TMEM255B: variants seen among roughly 807,000 people sequenced by gnomAD.
TMEM255B encodes the protein transmembrane protein 255B, also known as family with sequence similarity 70, member B.
In TMEM255B, 35 loss-of-function variants were observed where a neutral mutation model predicts 34.5. The ratio of observed to expected loss-of-function variants is 1.01; its 90% CI spans 0.77 to 1.34. TMEM255B has a LOEUF of 1.34. Ranked by LOEUF, TMEM255B falls within the 40% of genes most tolerant of loss-of-function variation. The pLI is 0.00. For missense variants in TMEM255B, 432 were observed against 433.2 expected, an observed-to-expected ratio of 1.00 and a Z score of 0.02; for synonymous variants, 206 against 201.2, an observed-to-expected ratio of 1.02 and a Z score of -0.20.
intron 3 of TMEM255B, among the ~76,000 whole-genome samples, chr13:113,778,040 G>A (rs1334066254): frequency 1.3e-5 from 2 of 152,218 alleles, no homozygotes; most frequent in African/African-American, 4.8e-5. Context: ...GGCCTGAGGG[G>A]GTGGACAGCA....
chr13:113,781,594 C>T (rs1405584455), intron 3 of TMEM255B, among the ~76,000 whole-genome samples: 2 of 152,172 alleles, frequency 1.3e-5, no homozygotes, highest in Admixed American at 6.5e-5. Flanking sequence ...GGTGTGAAGC[C>T]TGGGACTTAG....
intron 4 of TMEM255B, among the ~76,000 whole-genome samples, chr13:113,796,442 CCACA>C (rs772560183): frequency 2.8e-4 from 37 of 132,770 alleles, no homozygotes; most frequent in Non-Finnish European, 1.4e-4. Context: ...AGAGCACACA[CCACA>C]CAGAGTACAC....
chr13:113,763,582 G>GA (rs919011730), intron 1 of TMEM255B, among the ~76,000 whole-genome samples: 22 of 151,982 alleles, frequency 1.4e-4, no homozygotes, highest in Non-Finnish European at 1.5e-4. Context: ...CCTAATTTAA[G>GA]AAAAAAATGT....
chr13:113,804,091 G>A (rs551379503), intron 7 of TMEM255B, among the ~76,000 whole-genome samples: 1 of 152,298 alleles, frequency 6.6e-6, no homozygotes, highest in East Asian at 1.9e-4. Flanking sequence ...GGAGGGAGGC[G>A]AAGCCCGGGT....
chr13:113,769,247 C>G lies in TMEM255B; in HGVS notation c.252+87C>G, dbSNP rs2050439662. On this transcript the variant is annotated intron_variant, in intron 3 of 8. Coordinates refer to ENST00000375353, the MANE Select transcript of TMEM255B (RefSeq NM_182614.4). This position sits in a 1 kb window ranked among gnomAD's most constrained non-coding sequence, Gnocchi z 4.2. ...ACTGGGGCTCTGAGAAGAGTCAGCC[C>G]TGCCTCCCCAGCACACTGGTGTCTA... is the stretch of plus-strand genomic sequence containing the variant. 2 of 1,464,424 alleles carry G rather than the reference C, an allele frequency of 1.4e-6. No homozygotes were observed. Among genetic ancestry groups the G allele is most frequent in the East Asian group, 2.3e-5 (1 of 44,034 alleles). 90.7% of individuals were successfully genotyped at this position (1,464,424 alleles called of 1,614,324 possible).
intron 1 of TMEM255B, among the ~76,000 whole-genome samples, chr13:113,762,073 C>T (rs999169429): frequency 1.4e-5 from 2 of 147,724 alleles, no homozygotes; most frequent in African/African-American, 5.1e-5. Flanking sequence ...TTAATTTTCA[C>T]AGTGCGTGTA....
At chr13:113,802,072 C>G (rs2051076546) in intron 7 of TMEM255B, among the ~76,000 whole-genome samples, 1 of 152,244 alleles carries the variant, frequency 6.6e-6, no homozygotes. Flanking sequence ...CCCCAAGAAA[C>G]AATGTTCAGC....
chr13:113,759,474 CTT>C lies in TMEM255B; in HGVS notation c.46+161_46+162del, dbSNP rs527809420. On this transcript the variant is annotated intron_variant, in intron 1 of 8. Coordinates refer to ENST00000375353, the MANE Select transcript of TMEM255B (RefSeq NM_182614.4). Reference sequence around the variant, plus strand: ...TCCTTCGAGCTCTGTCTTTGGAACACTTTGCATTTCGCACTGGGGTCGGGCGT... The same window carrying C: ...TCCTTCGAGCTCTGTCTTTGGAACACTGCATTTCGCACTGGGGTCGGGCGT... Among the ~76,000 whole-genome samples the C allele has an allele frequency of 3.7e-4, 57 of 152,382 alleles. 1 individual carries two copies. The East Asian group carries it at 5.0e-3, about 13-fold the overall frequency.
chr13:113,782,907 C>G (rs1285073121), intron 3 of TMEM255B, among the ~76,000 whole-genome samples: 2 of 152,192 alleles, frequency 1.3e-5, no homozygotes, highest in Non-Finnish European at 2.9e-5. Context: ...GACTTTTGGA[C>G]AGCAGAGGTG....
intron 4 of TMEM255B, among the ~76,000 whole-genome samples, chr13:113,798,566 A>G (rs1348705815): frequency 6.8e-6 from 1 of 146,820 alleles, no homozygotes; most frequent in Non-Finnish European, 1.5e-5. Context: ...TGGATGATGG[A>G]TGGATACATA....
intron 7 of TMEM255B, among the ~76,000 whole-genome samples, 162 bp downstream of exon 7, chr13:113,801,974 G>A (rs1431663203): frequency 2.0e-5 from 3 of 152,186 alleles, no homozygotes; most frequent in African/African-American, 4.8e-5. Context: ...GGCGTGCACC[G>A]ACTCACCTCG....
chr13:113,768,463 G>A (rs536738612), intron 2 of TMEM255B, among the ~76,000 whole-genome samples: 2 of 152,344 alleles, frequency 1.3e-5, no homozygotes, highest in Admixed American at 1.3e-4. Context: ...GCTTCCTGTG[G>A]AGTAAGGGGG....
Position 113,770,151 on chromosome 13 carries a change from G to A in TMEM255B, c.252+991G>A, listed in dbSNP as rs1214128202. Among the ~76,000 whole-genome samples the A allele has an allele frequency of 2.0e-5, 3 of 152,186 alleles. No homozygotes were observed. The highest frequency in any genetic ancestry group is 2.9e-5 in the Non-Finnish European group (2 of 68,032). ...GGTTTAATTGAACTCACAGTTCCAC[G>A]TGGCTGGGGAAGCCTCACGATCACG... On this transcript the variant is annotated intron_variant, in intron 3 of 8. Transcript: ENST00000375353. This position sits in a 1 kb window ranked among gnomAD's most constrained non-coding sequence, Gnocchi z 4.6.
At chr13:113,802,519 G>A (rs552335010) in intron 7 of TMEM255B, among the ~76,000 whole-genome samples, 2 of 152,268 alleles carry the variant, frequency 1.3e-5, no homozygotes, top group African/African-American at 4.8e-5. Context: ...GACGAGGGGC[G>A]CCCCCTCTTG....
intron 7 of TMEM255B, 71 bp downstream of exon 7, chr13:113,801,883 G>T: frequency 6.8e-7 from 1 of 1,459,898 alleles, no homozygotes; most frequent in South Asian, 1.4e-5. Context: ...CCCGGGGTGG[G>T]CTGGGGGGCC....
intron 3 of TMEM255B, among the ~76,000 whole-genome samples, chr13:113,792,004 G>A (rs1368556220): frequency 2.0e-5 from 3 of 152,202 alleles, no homozygotes; most frequent in Non-Finnish European, 4.4e-5. Context: ...AACATCCCCC[G>A]GAACTGCGGG....
chr13:113,789,889 T>C (rs536048652), intron 3 of TMEM255B, among the ~76,000 whole-genome samples: 1 of 132,566 alleles, frequency 7.5e-6, no homozygotes, highest in South Asian at 2.5e-4. Flanking sequence ...GGACTGACCA[T>C]GTACGTGGAT....
chr13:113,804,964 A>G lies in TMEM255B; in HGVS notation c.749A>G (p.Tyr250Cys). Reference sequence around the variant, plus strand: ...AACCCCGCCCAGCAGATCCTGGCCTACGCAGGCTTCCGCCTGACGCCCGAG... The same window carrying G: ...AACCCCGCCCAGCAGATCCTGGCCTGCGCAGGCTTCCGCCTGACGCCCGAG... ...LYNPAQQILA[Y>C]AGFRLTPEPV... The change falls in exon 8 of 9, where the codon TAC becomes TGC. Residue 250 changes from tyrosine to cysteine, a missense_variant. Coordinates refer to ENST00000375353, the MANE Select transcript of TMEM255B (RefSeq NM_182614.4). The G allele has an allele frequency of 1.9e-6, 3 of 1,606,792 alleles. No individual in the cohort carries two copies. Among genetic ancestry groups the G allele is most frequent in the South Asian group, 1.1e-5 (1 of 91,000 alleles).
intron 4 of TMEM255B, 114 bp downstream of exon 4, chr13:113,795,351 C>T: frequency 8.9e-7 from 1 of 1,124,146 alleles, no homozygotes; most frequent in East Asian, 2.7e-5. Flanking sequence ...CCGTCAGTCT[C>T]CACGCTGGGG....
Sources: allele counts gnomAD v4.1 joint callset (sites outside exome capture counted in the v4.1 genomes callset), GRCh38; gene constraint gnomAD v4.1.1; non-coding constraint Gnocchi (gnomAD v3.1); transcripts MANE v1.5; gene names NCBI Gene and HGNC (gene_info 2026-07-23, HGNC 2026-07-21).